Variants in PLAGL1 observed in about 807,000 individuals in gnomAD.
The protein encoded by PLAGL1 is PLAG1 like zinc finger 1.
PLAGL1 carries 1 observed loss-of-function variant against 4.6 expected under a neutral mutation model. The ratio of observed to expected loss-of-function variants is 0.22; its 90% CI spans 0.08 to 1.03. PLAGL1 has a LOEUF of 1.03. Among genes scored for constraint, PLAGL1 ranks in the 50% least tolerant of loss-of-function variants. The pLI, the probability that PLAGL1 is intolerant of heterozygous loss-of-function variation, is 0.58. For synonymous variants in PLAGL1, 240 were observed against 237.8 expected (o/e 1.01, Z -0.08); for missense variants, 464 against 570.4 (o/e 0.81, Z 1.90).
rs1795501045 is a variant in PLAGL1, at chr6:144,015,411, C to T, written c.-150-46433G>A. ...GGACAGGACACAAGAAGCAATGACC[C>T]TAAAAGAATAAACTGGCAATTGGAT... On this transcript the variant is annotated intron_variant, in intron 1 of 3. Transcript: ENST00000437412. The surrounding 1 kb of genome is among the most constrained non-coding windows in gnomAD (Gnocchi z 4.3). 6.6e-6 allele frequency among the ~76,000 whole-genome samples: 1 copy of T among 151,954 alleles called. No individual in the cohort carries two copies. Among genetic ancestry groups the T allele is most frequent in the Non-Finnish European group, 1.5e-5 (1 of 68,002 alleles).
rs1780234684 is a variant in PLAGL1, at chr6:143,948,226, C to G, written c.-90G>C. ...AACAGAACGATGGTGCTGGGCACATCAGCAGAGTCCCTGCAGCTGAACTCC... is the reference window on the plus strand; with the variant it reads ...AACAGAACGATGGTGCTGGGCACATGAGCAGAGTCCCTGCAGCTGAACTCC... On this transcript the variant is annotated 5_prime_UTR_variant, in exon 7 of 8. The change abolishes the stop of an existing upstream ORF in the 5' untranslated region. Coordinates refer to ENST00000674357, the MANE Select transcript of PLAGL1 (RefSeq NM_001317162.2). This position sits in a 1 kb window ranked among gnomAD's most constrained non-coding sequence, Gnocchi z 6.0. The G allele has an allele frequency of 8.2e-7, 1 of 1,217,012 alleles. No homozygotes were observed. Among genetic ancestry groups the G allele is most frequent in the Non-Finnish European group, 1.2e-6 (1 of 844,860 alleles). 75.4% of individuals were successfully genotyped at this position (1,217,012 alleles called of 1,614,324 possible).
Position 143,985,673 on chromosome 6 carries a change from T to C in PLAGL1, c.-583-499A>G, listed in dbSNP as rs1788856212. 6.6e-6 allele frequency among the ~76,000 whole-genome samples: 1 copy of C among 152,126 alleles called. No homozygotes were observed. Among genetic ancestry groups the C allele is most frequent in the Non-Finnish European group, 1.5e-5 (1 of 68,022 alleles). ...TATATGTCAAATCTTGAATGAATACTTTTAGTTTTCTGCATTAAAGGTTTA... is the reference window on the plus strand; with the variant it reads ...TATATGTCAAATCTTGAATGAATACCTTTAGTTTTCTGCATTAAAGGTTTA... On this transcript the variant is annotated intron_variant, in intron 1 of 7. Transcript: ENST00000674357. This position sits in a 1 kb window ranked among gnomAD's most constrained non-coding sequence, Gnocchi z 4.4.
chr6:143,943,891 C>T (rs1174146797), intron 7 of PLAGL1, among the ~76,000 whole-genome samples: 1 of 152,170 alleles, frequency 6.6e-6, no homozygotes, highest in African/African-American at 2.4e-5. Flanking sequence ...AACATCTAAA[C>T]TCACCACTGG....
chr6:144,054,261 T>A (rs1798781374), intron 1 of PLAGL1, among the ~76,000 whole-genome samples: 1 of 152,250 alleles, frequency 6.6e-6, no homozygotes, highest in African/African-American at 2.4e-5. Flanking sequence ...CTTTCCAAAC[T>A]TACTTTTTAC....
At chr6:144,042,173 C>T (rs569198959) in intron 1 of PLAGL1, among the ~76,000 whole-genome samples, 3 of 152,206 alleles carry the variant, frequency 2.0e-5, no homozygotes, top group East Asian at 1.9e-4. Flanking sequence ...GAACCTCTTT[C>T]GTTTAATTAG....
At chr6:143,976,176 G>C (rs1786481873) in intron 2 of PLAGL1, among the ~76,000 whole-genome samples, 1 of 151,650 alleles carries the variant, frequency 6.6e-6, no homozygotes, top group Admixed American at 6.6e-5. Context: ...CTAAGACTGA[G>C]AGAACCAGAA....
At chr6:143,967,700 T>C (rs1017149455) in intron 3 of PLAGL1, 1 of 152,192 alleles carries the variant, frequency 6.6e-6, no homozygotes, top group African/African-American at 2.4e-5. Context: ...GGGATTCTGC[T>C]ACATTTTTTT....
chr6:143,945,282 G>A lies in PLAGL1; in HGVS notation c.153-2619C>T, dbSNP rs1323736390. 6.6e-6 allele frequency among the ~76,000 whole-genome samples: 1 copy of A among 152,102 alleles called. No individual in the cohort carries two copies. Among genetic ancestry groups the A allele is most frequent in the African/African-American group, 2.4e-5 (1 of 41,400 alleles). On this transcript the variant is annotated intron_variant, in intron 7 of 7. Transcript: ENST00000674357. This position sits in a 1 kb window ranked among gnomAD's most constrained non-coding sequence, Gnocchi z 4.2. ...GTCAGTACCCAATGCCACCATCTTT[G>A]GGTATCATCTGGATCATGTCAGTGA... is the stretch of plus-strand genomic sequence containing the variant.
rs1798902719 is a variant in PLAGL1, at chr6:144,055,533, A to C, written c.-151+8935T>G. ...ATCGTAGGACCCCCAACTACCCTCA[A>C]GCCTGTGATTCTTTCTCCTCCCTCC... On this transcript the variant is annotated intron_variant, in intron 1 of 3. Coordinates refer to the PLAGL1 transcript ENST00000437412. The surrounding 1 kb of genome is among the most constrained non-coding windows in gnomAD (Gnocchi z 5.0). Among the ~76,000 whole-genome samples, 1 of 152,096 alleles carries C rather than the reference A, an allele frequency of 6.6e-6. No homozygotes were observed. Among genetic ancestry groups the C allele is most frequent in the Non-Finnish European group, 1.5e-5 (1 of 68,034 alleles).
In PLAGL1 at chr6:143,948,000, C is replaced by G. The variant is rs775732313; in HGVS notation, c.137G>C (p.Arg46Thr). Residue 46 changes from arginine to threonine, a missense_variant, in exon 7 of 8, where the codon AGA becomes ACA. Transcript: ENST00000674357. The surrounding 1 kb of genome is among the most constrained non-coding windows in gnomAD (Gnocchi z 4.3). Reference protein sequence around the residue: ...QPDCGKAFVSRYKLMRHMATH... With the variant: ...QPDCGKAFVSTYKLMRHMATH... Reference sequence around the variant, plus strand: ...AGCCTCTCACCTCATCAATTTATATCTGGAAACAAAGGCTTTGCCACAGTC... The same window carrying G: ...AGCCTCTCACCTCATCAATTTATATGTGGAAACAAAGGCTTTGCCACAGTC... 3.7e-6 allele frequency: 6 copies of G among 1,614,058 alleles called. No individual in the cohort carries two copies. In the South Asian group the frequency reaches 5.5e-5, roughly 15 times the overall value.
chr6:143,987,202 T>TTTTATTTA (rs552351803), intron 1 of PLAGL1, among the ~76,000 whole-genome samples: 1 of 152,084 alleles, frequency 6.6e-6, no homozygotes, highest in South Asian at 2.1e-4. Flanking sequence ...TACTCAAGGC[T>TTTTATTTA]TTTATTTATT....
rs1182318329 is a variant in PLAGL1 at position 143,948,182 on chromosome 6, G to C, written c.-46C>G. 1.1e-5 allele frequency: 18 copies of C among 1,579,228 alleles called. No homozygotes were observed. Among genetic ancestry groups the C allele is most frequent in the Non-Finnish European group, 1.6e-5 (18 of 1,151,250 alleles). On this transcript the variant is annotated 5_prime_UTR_variant, in exon 7 of 8. Coordinates refer to ENST00000674357, the MANE Select transcript of PLAGL1 (RefSeq NM_001317162.2). This position sits in a 1 kb window ranked among gnomAD's most constrained non-coding sequence, Gnocchi z 6.0. ...TCCTTTTCAGATGTGCTGACCAAAT[G>C]CTGTGCCATTTAAGCACAAACAGAA... is the stretch of plus-strand genomic sequence containing the variant.
At chr6:143,992,158 G>A (rs1790619261) in intron 1 of PLAGL1, among the ~76,000 whole-genome samples, 1 of 152,298 alleles carries the variant, frequency 6.6e-6, no homozygotes, top group East Asian at 1.9e-4. Flanking sequence ...ATCCTGGCTT[G>A]AACTCTACCC....
intron 1 of PLAGL1, among the ~76,000 whole-genome samples, chr6:143,996,700 A>C (rs1428941065): frequency 2.0e-5 from 3 of 151,770 alleles, no homozygotes; most frequent in Non-Finnish European, 2.9e-5. Context: ...AGACGAACAG[A>C]ACAAGGATAT....
rs372792641 is a variant in PLAGL1, at chr6:143,985,982, T to TTTTATATATATATATATATATATATATA, written c.-583-809_-583-808insTATATATATATATATATATATATATAAA. Among the ~76,000 whole-genome samples the TTTTATATATATATATATATATATATATA allele has an allele frequency of 9.0e-6, 1 of 111,576 alleles. No individual in the cohort carries two copies. Among genetic ancestry groups the TTTTATATATATATATATATATATATATA allele is most frequent in the East Asian group, 2.7e-4 (1 of 3,720 alleles). 73.2% of individuals were successfully genotyped at this position (111,576 alleles called of 152,430 possible). On this transcript the variant is annotated intron_variant, in intron 1 of 7. Transcript: ENST00000674357. This position sits in a 1 kb window ranked among gnomAD's most constrained non-coding sequence, Gnocchi z 4.4. Reference sequence around the variant, plus strand: ...TATATCAAATTATATATATATAAAATTATATATATATATATATATATATAT... The same window carrying TTTTATATATATATATATATATATATATA: ...TATATCAAATTATATATATATAAAATTTTATATATATATATATATATATATATATATATATATATATATATATATATAT...
chr6:144,029,670 C>T (rs1474901868), intron 1 of PLAGL1, among the ~76,000 whole-genome samples: 1 of 152,180 alleles, frequency 6.6e-6, no homozygotes, highest in Non-Finnish European at 1.5e-5. Context: ...GAGAAAGGCA[C>T]TCTCATCTCT....
rs1191754842 is a variant in PLAGL1 at position 143,997,530 on chromosome 6, T to C, written c.-584+10560A>G. Among the ~76,000 whole-genome samples, 1 of 152,138 alleles carries C rather than the reference T, an allele frequency of 6.6e-6. No individual in the cohort carries two copies. Among genetic ancestry groups the C allele is most frequent in the African/African-American group, 2.4e-5 (1 of 41,412 alleles). On this transcript the variant is annotated intron_variant, in intron 1 of 7. Transcript: ENST00000674357. The surrounding 1 kb of genome is among the most constrained non-coding windows in gnomAD (Gnocchi z 4.6). ...TAAAAGCCAGACACAAAAGAGTACA[T>C]CCTGTTTGGTTATACTTAAAATTCA...
upstream of PLAGL1, among the ~76,000 whole-genome samples, chr6:144,010,475 C>T (rs1479111629): frequency 1.3e-5 from 2 of 152,200 alleles, no homozygotes; most frequent in East Asian, 1.9e-4. This position sits in a 1 kb window ranked among gnomAD's most constrained non-coding sequence, Gnocchi z 4.1. Flanking sequence ...AATGGAAAAA[C>T]ATTCCATGCT....
chr6:143,945,509 C>T lies in PLAGL1; in HGVS notation c.152+2476G>A, dbSNP rs1779557646. Among the ~76,000 whole-genome samples the T allele has an allele frequency of 1.3e-5, 2 of 152,212 alleles. No homozygotes were observed. The highest frequency in any genetic ancestry group is 2.4e-5 in the African/African-American group (1 of 41,452). On this transcript the variant is annotated intron_variant, in intron 7 of 7. Coordinates refer to ENST00000674357, the MANE Select transcript of PLAGL1 (RefSeq NM_001317162.2). The surrounding 1 kb of genome is among the most constrained non-coding windows in gnomAD (Gnocchi z 4.2). The stretch of plus-strand genomic sequence containing the variant: ...ATCCTTTTTTTGAGATGCAGTCCCA[C>T]CCTGTCACCAGGCTGAAGTGCAGTG...
Sources: gnomAD v4.1 joint callset for allele counts (sites outside exome capture counted in the v4.1 genomes callset) on GRCh38, gnomAD v4.1.1 for gene constraint, Gnocchi (gnomAD v3.1) non-coding constraint, MANE v1.5 for transcripts, NCBI Gene and HGNC (gene_info 2026-07-23, HGNC 2026-07-21) for gene names.